Variants in FIRRM observed in about 807,000 individuals in gnomAD.
FIRRM encodes FIGNL1 interacting regulator of recombination and mitosis.
At chr1:169,793,400 G>T in the FIRRM span, 1 of 1,614,202 alleles carries the variant, frequency 6.2e-7, no homozygotes, top group Non-Finnish European at 8.5e-7. Context: ...CTCTTTGGCA[G>T]CTCTCAAGGA....
At chr1:169,816,438 T>C in the FIRRM span, among the ~76,000 whole-genome samples, 1 of 151,942 alleles carries the variant, frequency 6.6e-6, no homozygotes, top group African/African-American at 2.4e-5. Context: ...TTTTGAAACA[T>C]AATTTTTTTC....
chr1:169,801,301 T>C, the FIRRM span, among the ~76,000 whole-genome samples: 1 of 151,744 alleles, frequency 6.6e-6, no homozygotes, highest in Non-Finnish European at 1.5e-5. Context: ...AAAAATTAGC[T>C]GGACATGGTG....
chr1:169,787,413 A>G, the FIRRM span, among the ~76,000 whole-genome samples: 2 of 152,120 alleles, frequency 1.3e-5, no homozygotes, highest in East Asian at 1.9e-4. Flanking sequence ...AAAAGTCACT[A>G]TCTCCCTCCC....
chr1:169,831,938 T>C, the FIRRM span, among the ~76,000 whole-genome samples: 1 of 152,138 alleles, frequency 6.6e-6, no homozygotes, highest in Non-Finnish European at 1.5e-5. Flanking sequence ...TAAAACTTTT[T>C]GTGGATATGG....
At chr1:169,803,998 A>T in the FIRRM span, 1 of 907,140 alleles carries the variant, frequency 1.1e-6, no homozygotes, top group East Asian at 2.8e-5. Flanking sequence ...TATGATCTCT[A>T]ATAGTATGAA....
the FIRRM span, among the ~76,000 whole-genome samples, chr1:169,847,082 AAC>A: frequency 6.6e-6 from 1 of 152,184 alleles, no homozygotes; most frequent in Non-Finnish European, 1.5e-5. Context: ...GAACAGTCAC[AAC>A]ACACAATTTA....
the FIRRM span, among the ~76,000 whole-genome samples, chr1:169,828,620 G>A: frequency 1.3e-5 from 2 of 151,898 alleles, no homozygotes; most frequent in Non-Finnish European, 2.9e-5. Flanking sequence ...ATGACCATGG[G>A]TCACTGCAGC....
the FIRRM span, chr1:169,821,828 C>T: frequency 9.7e-7 from 1 of 1,035,924 alleles, no homozygotes; most frequent in Non-Finnish European, 1.4e-6. Context: ...TATCCCTATT[C>T]CACAGAATAG....
chr1:169,830,957 C>T, the FIRRM span, among the ~76,000 whole-genome samples: 1 of 152,060 alleles, frequency 6.6e-6, no homozygotes, highest in Non-Finnish European at 1.5e-5. Context: ...CTCATATTCT[C>T]AGGATTTTAT....
At chr1:169,806,050 C>T in the FIRRM span, 2 of 1,601,276 alleles carry the variant, frequency 1.2e-6, no homozygotes, top group East Asian at 4.5e-5. Flanking sequence ...CCAGTATGGA[C>T]CATGCATTTC....
At chr1:169,800,947 T>C in the FIRRM span, 4 of 1,593,934 alleles carry the variant, frequency 2.5e-6, no homozygotes, top group South Asian at 3.4e-5. Flanking sequence ...TGGAACAGAC[T>C]TTCTTTTCAC....
chr1:169,795,090 G>A, the FIRRM span: 1 of 1,534,430 alleles, frequency 6.5e-7, no homozygotes, highest in East Asian at 2.4e-5. Flanking sequence ...AAGCTCTCCT[G>A]TTTGACGAAA....
the FIRRM span, among the ~76,000 whole-genome samples, chr1:169,796,430 A>G: frequency 2.6e-5 from 4 of 152,240 alleles, no homozygotes; most frequent in Admixed American, 6.5e-5. Context: ...GACATATTCA[A>G]AAAAGCCCAA....
At chr1:169,845,264 T>C in the FIRRM span, among the ~76,000 whole-genome samples, 109 of 152,366 alleles carry the variant, frequency 7.2e-4, no homozygotes, top group Non-Finnish European at 1.2e-3. Flanking sequence ...AAAAACACTT[T>C]ATTGCTAAAA....
At chr1:169,815,122 C>T in the FIRRM span, among the ~76,000 whole-genome samples, 1 of 151,560 alleles carries the variant, frequency 6.6e-6, no homozygotes, top group Non-Finnish European at 1.5e-5. Context: ...GTGGTAAAAC[C>T]CCATCTCTAC....
chr1:169,787,670 C>T, the FIRRM span, among the ~76,000 whole-genome samples: 13 of 152,284 alleles, frequency 8.5e-5, 2 homozygotes, highest in East Asian at 1.9e-4. Context: ...TCTGCCTTAC[C>T]ATGCTTTAAC....
the FIRRM span, chr1:169,793,363 C>T: frequency 6.2e-7 from 1 of 1,614,166 alleles, no homozygotes; most frequent in Non-Finnish European, 8.5e-7. Context: ...TTTCTAACAT[C>T]TTCTTTAAAT....
chr1:169,853,143 T>C, the FIRRM span: 1 of 744,878 alleles, frequency 1.3e-6, no homozygotes, highest in Non-Finnish European at 2.2e-6. Context: ...TGGGGAATAT[T>C]CTTATTAAGA....
At chr1:169,853,846 A>C in the FIRRM span, 2 of 1,544,934 alleles carry the variant, frequency 1.3e-6, no homozygotes, top group Non-Finnish European at 1.8e-6. Flanking sequence ...AATTTGAAAA[A>C]GCAGGAATTT....
Sources: gnomAD v4.1 joint callset for allele counts (sites outside exome capture counted in the v4.1 genomes callset) on GRCh38, gnomAD v4.1.1 for gene constraint, MANE v1.5 for transcripts, NCBI Gene and HGNC (gene_info 2026-07-23, HGNC 2026-07-21) for gene names.